CEP295: variants seen among roughly 807,000 people sequenced by gnomAD.
CEP295 encodes centrosomal protein of 295 kDa.
Under a neutral mutation model 291.6 loss-of-function variants are expected in CEP295, and 190 were observed. The observed-to-expected ratio is 0.65, with a 90% CI of 0.58 to 0.73. CEP295 has a LOEUF of 0.73. Ranked by LOEUF, CEP295 falls within the 30% of genes least tolerant of loss-of-function variation. CEP295 has a pLI of 0.00. For missense variants in CEP295, 2,863 were observed against 2,949.4 expected, an observed-to-expected ratio of 0.97 and a Z score of 0.68; for synonymous variants, 993 against 1,038.8, an observed-to-expected ratio of 0.96 and a Z score of 0.85.
At position 93,730,021 on chromosome 11, in the gene CEP295, TCTCTAATTCTATATAA is replaced by T; in HGVS notation, c.7668-27_7668-12del. The stretch of plus-strand genomic sequence containing the variant: ...AGTGATTCACTTTTTGCAGTGTTTG[TCTCTAATTCTATATAA>T]ATTCTTTACAGGTTATACAATCAAC... On this transcript the variant is annotated splice_polypyrimidine_tract_variant and intron_variant, in intron 28 of 29. Transcript: ENST00000325212. 2.6e-6 allele frequency: 4 copies of T among 1,514,066 alleles called. No individual in the cohort carries two copies. Among genetic ancestry groups the T allele is most frequent in the Non-Finnish European group, 3.5e-6 (4 of 1,130,076 alleles). 93.8% of individuals were successfully genotyped at this position (1,514,066 alleles called of 1,614,324 possible). A position where few individuals can be genotyped will look rare whatever the true frequency, so the allele number is the denominator to read the frequency against.
At chr11:93,726,676 TTTA>T (rs1347896473) in intron 23 of CEP295, 1 of 232,628 alleles carries the variant, frequency 4.3e-6, no homozygotes. Context: ...ACATGGATGC[TTTA>T]TTCTCTTTTC....
At position 93,670,163 on chromosome 11, in the gene CEP295, G is replaced by GA. The variant is rs375118433; in HGVS notation, c.528+399dup. Among the ~76,000 whole-genome samples, 187 of 152,014 alleles carry GA rather than the reference G, an allele frequency of 1.2e-3. 1 individual carries two copies. Among genetic ancestry groups the GA allele is most frequent in the African/African-American group, 4.4e-3 (181 of 41,478 alleles). Reference sequence around the variant, plus strand: ...AATACCCTTTATTTATTTATTGGGGGAAAAAACTAAACTATTCGTCCATTA... The same window carrying GA: ...AATACCCTTTATTTATTTATTGGGGGAAAAAAACTAAACTATTCGTCCATTA... On this transcript the variant is annotated intron_variant, in intron 5 of 29. Coordinates refer to ENST00000325212, the MANE Select transcript of CEP295 (RefSeq NM_033395.2).
intron 6 of CEP295, among the ~76,000 whole-genome samples, chr11:93,677,848 A>G (rs1950771354): frequency 6.6e-6 from 1 of 152,214 alleles, no homozygotes; most frequent in Non-Finnish European, 1.5e-5. Context: ...TCATTCATAT[A>G]TCTTTGATCT....
chr11:93,687,052 T>C (rs1245126080), intron 9 of CEP295, among the ~76,000 whole-genome samples: 5 of 152,238 alleles, frequency 3.3e-5, no homozygotes, highest in Admixed American at 6.5e-5. Flanking sequence ...TCAGCCCACA[T>C]GGGAAAATGT....
In CEP295 at chr11:93,727,278, A is replaced by G; in HGVS notation, c.6802A>G (p.Thr2268Ala). 6.4e-7 allele frequency: 1 copy of G among 1,551,756 alleles called. No homozygotes were observed. The highest frequency in any genetic ancestry group is 8.7e-7 in the Non-Finnish European group (1 of 1,146,966). ...TGGTTCTAACTCTAGTGAGTGCTCA[A>G]CAAAACACCAACTAGAAAGCAGAAA... ...PCGSNSSECS[T>A]KHQLESRKES... Residue 2268 changes from threonine to alanine, a missense_variant, in exon 24 of 30, where the codon ACA becomes GCA. Physicochemically the swap from Thr to Ala is moderately conservative, Grantham distance 58. Coordinates refer to ENST00000325212, the MANE Select transcript of CEP295 (RefSeq NM_033395.2).
Position 93,697,952 on chromosome 11 carries a change from T to C in CEP295, c.3040T>C (p.Ser1014Pro), listed in dbSNP as rs1951937287. ...TTCACTACCATCTGCTGATACAAAATCTGGAAAAATACAGGAGCAACATTC... is the reference window on the plus strand; with the variant it reads ...TTCACTACCATCTGCTGATACAAAACCTGGAAAAATACAGGAGCAACATTC... ...FTSLPSADTK[S>P]GKIQEQHSSK... The change falls in exon 15 of 30, where the codon TCT (serine) becomes CCT (proline). Residue 1014 changes from serine (S) to proline (P), a missense_variant. Coordinates refer to ENST00000325212, the MANE Select transcript of CEP295 (RefSeq NM_033395.2). 6.4e-7 allele frequency: 1 copy of C among 1,551,508 alleles called. No homozygotes were observed. The highest frequency in any genetic ancestry group is 1.2e-5 in the South Asian group (1 of 84,060).
intron 18 of CEP295, among the ~76,000 whole-genome samples, chr11:93,719,105 CA>C (rs11455077): frequency 7.9e-5 from 12 of 151,622 alleles, no homozygotes; most frequent in African/African-American, 2.2e-4. Flanking sequence ...GACTCCGTCT[CA>C]AAAAAAATAA....
chr11:93,700,586 T>G (rs2135132802), intron 15 of CEP295, among the ~76,000 whole-genome samples: 1 of 151,754 alleles, frequency 6.6e-6, no homozygotes. Flanking sequence ...CCACCATGCC[T>G]GGCTAAATTT....
Position 93,688,900 on chromosome 11 carries a change from C to G in CEP295, c.1336+1035C>G, listed in dbSNP as rs575813076. Among the ~76,000 whole-genome samples, 2 of 152,286 alleles carry G rather than the reference C, an allele frequency of 1.3e-5. 1 individual carries two copies. Among genetic ancestry groups the G allele is most frequent in the South Asian group, 4.1e-4 (2 of 4,830 alleles). ...GTTGATATCCCCTCCCACCACATAC[C>G]TGCTTTTCCTACAGTATTCCACATT... On this transcript the variant is annotated intron_variant, in intron 10 of 29. Coordinates refer to ENST00000325212, the MANE Select transcript of CEP295 (RefSeq NM_033395.2).
At chr11:93,693,863 A>G (rs1951719978) in intron 12 of CEP295, among the ~76,000 whole-genome samples, 1 of 152,276 alleles carries the variant, frequency 6.6e-6, no homozygotes, top group African/African-American at 2.4e-5. Context: ...TATGTACAGT[A>G]TGTACCTGTT....
rs6483260 is a variant in CEP295 at position 93,691,478 on chromosome 11, A to G, written c.1337-205A>G. ...TAAATCAGTTCTTCACGTTTTCACA[A>G]TTTCAGTCTTTCATCTCTGTTGTTA... On this transcript the variant is annotated intron_variant, in intron 10 of 29. Transcript: ENST00000325212. 0.015 allele frequency among the ~76,000 whole-genome samples: 2,284 copies of G among 152,166 alleles called. 56 individuals carry two copies. Among genetic ancestry groups the G allele is most frequent in the African/African-American group, 0.052 (2,163 of 41,470 alleles).
In CEP295 at chr11:93,699,947, G is replaced by A. The variant is rs1373811900; in HGVS notation, c.5035G>A (p.Ala1679Thr). 2.6e-6 allele frequency: 4 copies of A among 1,551,706 alleles called. No homozygotes were observed. The highest frequency in any genetic ancestry group is 3.5e-6 in the Non-Finnish European group (4 of 1,146,990). The change falls in exon 15 of 30, where the codon GCA (alanine) becomes ACA (threonine). Residue 1679 changes from alanine (A) to threonine (T), a missense_variant. Around this residue, in one of 3 missense-constraint regions of CEP295, gnomAD observed 2,295 missense variants for 2,335.7 expected, o/e 0.98. Transcript: ENST00000325212. ...ATTGTATTCATCCCAGAATGAACAT[G>A]CAGCCCCCCCAAGTAATCCTGTGAT... ...CELYSSQNEHAAPPSNPVIPG... is the reference protein window; with the variant it reads ...CELYSSQNEHTAPPSNPVIPG...
At chr11:93,702,415 G>A (rs1356500283) in intron 15 of CEP295, 45 bp from the exon 16 acceptor site, 1 of 1,316,492 alleles carries the variant, frequency 7.6e-7, no homozygotes, top group Admixed American at 3.0e-5. Flanking sequence ...TGCTTCACAT[G>A]ATCCCCCAAC....
At chr11:93,667,924 C>T (rs1333370379) in intron 3 of CEP295, 117 bp downstream of exon 3, 2 of 711,182 alleles carry the variant, frequency 2.8e-6, no homozygotes, top group Non-Finnish European at 4.6e-6. Context: ...TTTGGGGCAG[C>T]TTGAACTTTT....
intron 18 of CEP295, among the ~76,000 whole-genome samples, chr11:93,709,419 C>T (rs888312986): frequency 1.3e-5 from 2 of 152,144 alleles, no homozygotes; most frequent in Admixed American, 6.5e-5. Context: ...CCCCCATGTA[C>T]GTTCTTGGCA....
At chr11:93,665,095 GGAA>G (rs1255871199) in intron 1 of CEP295, among the ~76,000 whole-genome samples, 1 of 152,196 alleles carries the variant, frequency 6.6e-6, no homozygotes, top group East Asian at 1.9e-4. Flanking sequence ...GCTTCGTAGA[GGAA>G]GGAGGGCTTA....
intron 5 of CEP295, among the ~76,000 whole-genome samples, chr11:93,671,936 T>C (rs1166270788): frequency 1.3e-5 from 2 of 152,232 alleles, no homozygotes; most frequent in African/African-American, 4.8e-5. Context: ...GAAAATATTA[T>C]TTTTTGAGAG....
intron 5 of CEP295, among the ~76,000 whole-genome samples, chr11:93,673,304 G>A (rs552232150): frequency 6.5e-4 from 99 of 152,190 alleles, no homozygotes; most frequent in African/African-American, 2.2e-3. Context: ...ATGTATATGT[G>A]TATATGTATG....
rs775422672 is a variant in CEP295, at chr11:93,729,645, G to C, written c.7431G>C (p.Gly2477=). 230 of 1,550,740 alleles carry C rather than the reference G, an allele frequency of 1.5e-4. No homozygotes were observed. The highest frequency in any genetic ancestry group is 2.0e-4 in the Non-Finnish European group (226 of 1,146,790). The change falls in exon 27 of 30, where the codon GGG becomes GGC. Residue 2477 remains glycine, a synonymous_variant. Coordinates refer to ENST00000325212, the MANE Select transcript of CEP295 (RefSeq NM_033395.2). The part of the protein sequence containing the change: ...ETPRRLTPVP[G]SLQEAFIKRK... ...CTCGCAGGCTTACACCTGTACCAGG[G>C]AGCTTACAAGAAGCATTTATAAAGA...
Sources: gnomAD v4.1 joint callset for allele counts (sites outside exome capture counted in the v4.1 genomes callset) on GRCh38, gnomAD v4.1.1 for gene constraint, gnomAD v4.1.1 regional missense constraint, MANE v1.5 for transcripts, NCBI Gene and HGNC (gene_info 2026-07-23, HGNC 2026-07-21) for gene names.